PARD3B: variants seen among roughly 807,000 people sequenced by gnomAD.
The protein encoded by PARD3B is par-3 family cell polarity regulator beta, also known as partitioning defective 3 homolog B.
Under a neutral mutation model 130.2 loss-of-function variants are expected in PARD3B, and 103 were observed. The ratio of observed to expected loss-of-function variants is 0.79; its 90% CI spans 0.67 to 0.93. The LOEUF (loss-of-function observed/expected upper bound fraction) is 0.93. PARD3B is among the 40% of genes least tolerant of loss of function. The pLI, the probability that PARD3B is intolerant of heterozygous loss-of-function variation, is 0.00. For synonymous variants in PARD3B, 583 were observed against 553.2 expected, an observed-to-expected ratio of 1.05 and a Z score of -0.76; for missense variants, 1,609 against 1,499.2, an observed-to-expected ratio of 1.07 and a Z score of -1.21.
intron 2 of PARD3B, among the ~76,000 whole-genome samples, chr2:204,861,331 A>G (rs2045194756): frequency 6.6e-6 from 1 of 152,128 alleles, no homozygotes; most frequent in African/African-American, 2.4e-5. Flanking sequence ...TTTTTCTAAA[A>G]TAATTAATTT....
At position 205,590,017 on chromosome 2, in the gene PARD3B, G is replaced by T. The variant is rs2054327782; in HGVS notation, c.3261-25439G>T. Among the ~76,000 whole-genome samples the T allele has an allele frequency of 6.6e-6, 1 of 152,074 alleles. No individual in the cohort carries two copies. The highest frequency in any genetic ancestry group is 6.5e-5 in the Admixed American group (1 of 15,278). ...CCCCAAGGTGGTTTCCAAAGTGAATGACCACTGGCTCTTTCTAAGTATTTT... is the reference window on the plus strand; with the variant it reads ...CCCCAAGGTGGTTTCCAAAGTGAATTACCACTGGCTCTTTCTAAGTATTTT... On this transcript the variant is annotated intron_variant, in intron 22 of 22. Transcript: ENST00000406610. The surrounding 1 kb of genome is among the most constrained non-coding windows in gnomAD (Gnocchi z 4.1).
intron 15 of PARD3B, among the ~76,000 whole-genome samples, chr2:205,197,029 G>GT (rs1250617687): frequency 0.044 from 765 of 17,228 alleles, 2 homozygotes; most frequent in Admixed American, 0.066. Flanking sequence ...ACTGTGGGGG[G>GT]GGGGTGTGTG....
At chr2:205,527,034 C>A (rs2106417414) in intron 21 of PARD3B, among the ~76,000 whole-genome samples, 1 of 152,226 alleles carries the variant, frequency 6.6e-6, no homozygotes, top group African/African-American at 2.4e-5. Flanking sequence ...GAGAGGTTTG[C>A]AGGTATAAAT....
At chr2:204,801,207 T>C (rs1336180207) in intron 2 of PARD3B, among the ~76,000 whole-genome samples, 1 of 152,204 alleles carries the variant, frequency 6.6e-6, no homozygotes, top group East Asian at 1.9e-4. Flanking sequence ...GGCTCTTTTT[T>C]GGTTCCATAT....
intron 1 of PARD3B, among the ~76,000 whole-genome samples, chr2:204,615,437 T>A (rs2034074540): frequency 6.6e-6 from 1 of 152,204 alleles, no homozygotes; most frequent in South Asian, 2.1e-4. Flanking sequence ...GACTGACTTA[T>A]GCTAATCTTC....
intron 16 of PARD3B, among the ~76,000 whole-genome samples, chr2:205,290,270 G>T (rs1197485678): frequency 6.6e-6 from 1 of 152,122 alleles, no homozygotes; most frequent in Admixed American, 6.6e-5. Flanking sequence ...GGTGTTATTA[G>T]TTCATGTGTG....
At chr2:205,486,568 C>T (rs1227473071) in intron 20 of PARD3B, among the ~76,000 whole-genome samples, 1 of 152,034 alleles carries the variant, frequency 6.6e-6, no homozygotes, top group East Asian at 1.9e-4. Flanking sequence ...TCTGGGGAGG[C>T]CTCAGGGAGC....
chr2:205,427,368 C>T (rs920458256), intron 19 of PARD3B, among the ~76,000 whole-genome samples: 2 of 152,136 alleles, frequency 1.3e-5, no homozygotes, highest in African/African-American at 4.8e-5. Flanking sequence ...CCCAAATGTT[C>T]GCAAATGCAT....
intron 2 of PARD3B, among the ~76,000 whole-genome samples, chr2:204,838,292 C>T (rs1404161199): frequency 6.6e-6 from 1 of 151,948 alleles, no homozygotes; most frequent in African/African-American, 2.4e-5. Context: ...CAGTGACTCT[C>T]CTACCTCAGC....
At chr2:204,636,304 G>A (rs574660288) in intron 1 of PARD3B, among the ~76,000 whole-genome samples, 8 of 152,156 alleles carry the variant, frequency 5.3e-5, no homozygotes, top group South Asian at 2.1e-4. Context: ...ATTTCAGAGC[G>A]CTGTCTTCAT....
In PARD3B at chr2:205,170,358, A is replaced by G. The variant is rs139573332; in HGVS notation, c.1621-1853A>G. Among the ~76,000 whole-genome samples the G allele has an allele frequency of 1.4e-4, 21 of 152,296 alleles. No homozygotes were observed. In the East Asian group the frequency reaches 3.9e-3, roughly 28 times the overall value. On this transcript the variant is annotated intron_variant, in intron 11 of 22. Transcript: ENST00000406610. ...CTCATTTCCAGACTTGCTTCAAATT[A>G]GGGTAAAGGTTAAGTGAAATGGGAA... is the stretch of plus-strand genomic sequence containing the variant.
intron 19 of PARD3B, among the ~76,000 whole-genome samples, chr2:205,419,133 A>G (rs532257057): frequency 6.6e-6 from 1 of 152,204 alleles, no homozygotes; most frequent in African/African-American, 2.4e-5. Context: ...TGCAGCTCCC[A>G]CAATTCCCAT....
chr2:204,708,556 C>G (rs939779208), intron 2 of PARD3B, among the ~76,000 whole-genome samples: 2 of 152,114 alleles, frequency 1.3e-5, no homozygotes, highest in Non-Finnish European at 2.9e-5. Context: ...GTAATTATAT[C>G]ACTTTCACCT....
chr2:205,075,650 G>T (rs971625649), intron 4 of PARD3B, among the ~76,000 whole-genome samples: 1 of 146,952 alleles, frequency 6.8e-6, no homozygotes, highest in Non-Finnish European at 1.5e-5. Flanking sequence ...GACCATAGCT[G>T]CCTTACCTTT....
intron 1 of PARD3B, among the ~76,000 whole-genome samples, chr2:204,600,177 A>G (rs896642801): frequency 6.6e-6 from 1 of 151,584 alleles, no homozygotes; most frequent in African/African-American, 2.4e-5. Context: ...TTTAGTTTGT[A>G]TATAATCCCA....
chr2:205,573,896 G>A (rs78995195), intron 22 of PARD3B, among the ~76,000 whole-genome samples: 7,628 of 152,216 alleles, frequency 0.05, 289 homozygotes, highest in East Asian at 0.14. Context: ...AATCCATACC[G>A]TGGCTTCTCT....
intron 1 of PARD3B, among the ~76,000 whole-genome samples, chr2:204,645,868 A>G (rs1213514551): frequency 6.6e-6 from 1 of 152,094 alleles, no homozygotes; most frequent in Non-Finnish European, 1.5e-5. Context: ...AAGATAAGGT[A>G]TCTGGATAAT....
Position 204,563,217 on chromosome 2 carries a change from G to GTCTCTCTCTCTCTCTCTC in PARD3B, c.120+17130_120+17147dup, listed in dbSNP as rs35536964. 8.2e-4 allele frequency among the ~76,000 whole-genome samples: 71 copies of GTCTCTCTCTCTCTCTCTC among 86,624 alleles called. 5 individuals carry two copies. The highest frequency in any genetic ancestry group is 3.0e-3 in the East Asian group (8 of 2,654). The allele number at this position is 86,624 out of a possible 152,430, so 56.8% of individuals were successfully genotyped here. On this transcript the variant is annotated intron_variant, in intron 1 of 22. Coordinates refer to ENST00000406610, the MANE Select transcript of PARD3B (RefSeq NM_001302769.2). ...CGTTTTTACATGCCGTCTTCCCGCT[G>GTCTCTCTCTCTCTCTCTC]TCTCTCTCTCTCTCTCTCTCTCTCT...
At chr2:205,577,237 C>A (rs1260953095) in intron 22 of PARD3B, among the ~76,000 whole-genome samples, 1 of 149,554 alleles carries the variant, frequency 6.7e-6, no homozygotes, top group East Asian at 2.0e-4. Context: ...GATCATGTCA[C>A]CTGCAAATGA....
Sources: gnomAD v4.1 joint callset for allele counts (sites outside exome capture counted in the v4.1 genomes callset) on GRCh38, gnomAD v4.1.1 for gene constraint, Gnocchi (gnomAD v3.1) non-coding constraint, MANE v1.5 for transcripts, NCBI Gene and HGNC (gene_info 2026-07-23, HGNC 2026-07-21) for gene names.